Variants in SEC22A observed in about 807,000 individuals in gnomAD.
SEC22A encodes SEC22 homolog A, vesicle trafficking protein, also known as vesicle-trafficking protein SEC22a.
SEC22A carries 22 observed loss-of-function variants against 35.3 expected under a neutral mutation model. That is an observed-to-expected ratio of 0.62 (90% confidence interval 0.45 to 0.89). The LOEUF is 0.89. Ranked by LOEUF, SEC22A falls within the 40% of genes least tolerant of loss-of-function variation. SEC22A has a pLI of 0.00. For synonymous variants in SEC22A, 119 were observed against 129.5 expected (o/e 0.92, Z 0.55); for missense variants, 354 against 362.5 (o/e 0.98, Z 0.19).
At chr3:123,219,325 T>C (rs1291749340) in intron 2 of SEC22A, among the ~76,000 whole-genome samples, 1 of 152,140 alleles carries the variant, frequency 6.6e-6, no homozygotes. Flanking sequence ...AACTCAGAAG[T>C]TTCATTACTC....
chr3:123,256,758 C>CTTCT (rs1553712645), intron 5 of SEC22A, among the ~76,000 whole-genome samples: 2,586 of 83,534 alleles, frequency 0.031, 69 homozygotes, highest in Non-Finnish European at 0.037. Context: ...TTTTTCTTTC[C>CTTCT]TTTTTTTTTT....
intron 5 of SEC22A, among the ~76,000 whole-genome samples, chr3:123,247,081 C>T (rs1353562744): frequency 2.6e-5 from 4 of 152,170 alleles, no homozygotes; most frequent in Non-Finnish European, 5.9e-5. Flanking sequence ...TGCTGTCCCT[C>T]GGCCTTTCTG....
intron 4 of SEC22A, among the ~76,000 whole-genome samples, chr3:123,234,606 T>C (rs1576493345): frequency 1.3e-5 from 2 of 150,846 alleles, no homozygotes; most frequent in Non-Finnish European, 3.0e-5. Flanking sequence ...ATATATAAAT[T>C]AATTAAAATG....
At chr3:123,256,788 C>T (rs1283550398) in intron 5 of SEC22A, among the ~76,000 whole-genome samples, 7 of 118,410 alleles carry the variant, frequency 5.9e-5, no homozygotes, top group African/African-American at 1.7e-4. Flanking sequence ...GAGGTGGATT[C>T]TCGCTCTGTC....
intron 6 of SEC22A, among the ~76,000 whole-genome samples, chr3:123,262,235 G>C (rs1256454166): frequency 6.6e-6 from 1 of 152,152 alleles, no homozygotes; most frequent in Non-Finnish European, 1.5e-5. Flanking sequence ...GAAGCCCAGA[G>C]CTCAGCCTGA....
rs1354702770 is a variant in SEC22A at position 123,241,042 on chromosome 3, C to CACAT, written c.542-4856_542-4855insCATA. 9.4e-5 allele frequency among the ~76,000 whole-genome samples: 14 copies of CACAT among 148,360 alleles called. No individual in the cohort carries two copies. In the Admixed American group the frequency reaches 9.5e-4, roughly 10 times the overall value. On this transcript the variant is annotated intron_variant, in intron 4 of 6. Coordinates refer to ENST00000492595, the MANE Select transcript of SEC22A (RefSeq NM_012430.5). ...ACACACACACACACACACACACACACATCCCCTTCATAATCCAACAGGTAT... is the reference window on the plus strand; with the variant it reads ...ACACACACACACACACACACACACACACATATCCCCTTCATAATCCAACAGGTAT...
At chr3:123,224,187 C>T (rs1452753824) in intron 3 of SEC22A, among the ~76,000 whole-genome samples, 1 of 151,494 alleles carries the variant, frequency 6.6e-6, no homozygotes, top group Non-Finnish European at 1.5e-5. Flanking sequence ...CAGTTATATT[C>T]TAATAAAACT....
intron 4 of SEC22A, among the ~76,000 whole-genome samples, chr3:123,231,470 A>C (rs1299366952): frequency 2.6e-5 from 4 of 152,238 alleles, no homozygotes; most frequent in African/African-American, 9.6e-5. Flanking sequence ...GAAATAGTAC[A>C]AAGTATGTTC....
At chr3:123,269,446 C>A (rs1938108502) in intron 6 of SEC22A, among the ~76,000 whole-genome samples, 1 of 151,692 alleles carries the variant, frequency 6.6e-6, no homozygotes, top group Non-Finnish European at 1.5e-5. Context: ...GGAATAGATA[C>A]CACCTTATTA....
At chr3:123,254,488 C>T (rs1049395221) in intron 5 of SEC22A, among the ~76,000 whole-genome samples, 5 of 152,150 alleles carry the variant, frequency 3.3e-5, no homozygotes, top group Admixed American at 6.5e-5. Context: ...CTCTGTTTCC[C>T]CACCTCTGTC....
chr3:123,269,477 A>G (rs567857544), intron 6 of SEC22A, among the ~76,000 whole-genome samples: 13 of 152,200 alleles, frequency 8.5e-5, no homozygotes, highest in Non-Finnish European at 1.9e-4. Flanking sequence ...TTTAATATGT[A>G]ATAACATGTA....
chr3:123,202,131 C>G (rs192791048), intron 1 of SEC22A, 145 bp downstream of exon 1: 1 of 152,900 alleles, frequency 6.5e-6, no homozygotes, highest in Non-Finnish European at 1.5e-5. Context: ...CGGGCAGGAG[C>G]CAAGTCCGTG....
intron 6 of SEC22A, among the ~76,000 whole-genome samples, chr3:123,260,232 G>A (rs534361019): frequency 6.7e-6 from 1 of 148,740 alleles, no homozygotes; most frequent in South Asian, 2.2e-4. Context: ...CTAGGCTGAG[G>A]ATTTTGTATT....
intron 2 of SEC22A, among the ~76,000 whole-genome samples, chr3:123,212,610 C>T (rs758686713): frequency 2.0e-5 from 3 of 151,576 alleles, no homozygotes; most frequent in Admixed American, 6.6e-5. Context: ...TAAAATGTAA[C>T]GTTTTAACAT....
intron 5 of SEC22A, among the ~76,000 whole-genome samples, chr3:123,252,538 T>C (rs1354263196): frequency 6.6e-6 from 1 of 152,214 alleles, no homozygotes; most frequent in Non-Finnish European, 1.5e-5. Flanking sequence ...ACTGAAAATA[T>C]GTAGTGTATT....
intron 4 of SEC22A, among the ~76,000 whole-genome samples, chr3:123,237,389 A>T (rs1488417648): frequency 6.6e-6 from 1 of 152,240 alleles, no homozygotes; most frequent in African/African-American, 2.4e-5. Context: ...ACTGCATTTG[A>T]AAAAGCACAT....
intron 1 of SEC22A, among the ~76,000 whole-genome samples, chr3:123,207,311 GT>G (rs1055829789): frequency 4.6e-5 from 7 of 152,074 alleles, no homozygotes; most frequent in Non-Finnish European, 1.0e-4. Flanking sequence ...GTAACAACTG[GT>G]TTTCTGTGGT....
At chr3:123,207,247 A>G (rs1172427337) in intron 1 of SEC22A, among the ~76,000 whole-genome samples, 1 of 152,188 alleles carries the variant, frequency 6.6e-6, no homozygotes, top group African/African-American at 2.4e-5. Context: ...ATGGGAAGTC[A>G]TATTTTGACT....
chr3:123,263,989 C>T (rs1937961981), intron 6 of SEC22A, among the ~76,000 whole-genome samples: 1 of 151,896 alleles, frequency 6.6e-6, no homozygotes, highest in African/African-American at 2.4e-5. Context: ...GATGCCATCA[C>T]AGCCTCACCG....
Sources: allele counts gnomAD v4.1 joint callset (sites outside exome capture counted in the v4.1 genomes callset), GRCh38; gene constraint gnomAD v4.1.1; transcripts MANE v1.5; gene names NCBI Gene and HGNC (gene_info 2026-07-23, HGNC 2026-07-21).